Variants in TASP1 observed in about 807,000 individuals in gnomAD.
TASP1 encodes threonine aspartase 1.
TASP1 carries 16 observed loss-of-function variants against 56.6 expected under a neutral mutation model. The observed-to-expected ratio is 0.28, with a 90% CI of 0.19 to 0.43. The LOEUF is 0.43. TASP1 is among the 20% of genes least tolerant of loss of function. The pLI, the probability that TASP1 is intolerant of heterozygous loss-of-function variation, is 1.00. For missense variants in TASP1, 393 were observed against 511.6 expected, an observed-to-expected ratio of 0.77 and a Z score of 2.24; for synonymous variants, 179 against 184.2, an observed-to-expected ratio of 0.97 and a Z score of 0.23.
the TASP1 span, among the ~76,000 whole-genome samples, chr20:13,372,920 C>T: frequency 6.6e-6 from 1 of 152,008 alleles, no homozygotes; most frequent in African/African-American, 2.4e-5. Flanking sequence ...AGCTCTATTA[C>T]CCATTCTTCC....
the TASP1 span, among the ~76,000 whole-genome samples, chr20:13,108,786 C>G: frequency 6.6e-6 from 1 of 152,034 alleles, no homozygotes; most frequent in Non-Finnish European, 1.5e-5. Flanking sequence ...ATGTTGGTCC[C>G]GAACTCCTGA....
the TASP1 span, among the ~76,000 whole-genome samples, chr20:13,324,409 G>A: frequency 6.6e-6 from 1 of 152,190 alleles, no homozygotes; most frequent in Non-Finnish European, 1.5e-5. Context: ...CAGCTTAAAA[G>A]TGATAGGCAG....
At chr20:13,454,541 G>A (rs1012068668) in intron 11 of TASP1, among the ~76,000 whole-genome samples, 7 of 152,186 alleles carry the variant, frequency 4.6e-5, no homozygotes, top group Non-Finnish European at 8.8e-5. Flanking sequence ...GAAGCCAGGT[G>A]CTCTACCGAA....
rs555294164 is a variant in TASP1 at position 13,585,796 on chromosome 20, G to A, written c.403+1454C>T. Among the ~76,000 whole-genome samples the A allele has an allele frequency of 5.9e-5, 9 of 152,102 alleles. No individual in the cohort carries two copies. The South Asian group carries it at 8.3e-4, about 14-fold the overall frequency. ...ACTGCAACAATTACTTTTGAAAACC[G>A]GCAGTATCTATTAAAACAAAATATA... On this transcript the variant is annotated intron_variant, in intron 5 of 13. Coordinates refer to ENST00000337743, the MANE Select transcript of TASP1 (RefSeq NM_017714.3).
At chr20:13,414,983 T>C (rs2042207313) in intron 13 of TASP1, among the ~76,000 whole-genome samples, 1 of 152,160 alleles carries the variant, frequency 6.6e-6, no homozygotes, top group Admixed American at 6.6e-5. Context: ...CTAGCTCATA[T>C]ATGTTCAAAT....
the TASP1 span, among the ~76,000 whole-genome samples, chr20:13,125,807 C>T: frequency 2.0e-5 from 3 of 152,214 alleles, no homozygotes; most frequent in Non-Finnish European, 4.4e-5. Flanking sequence ...CACACCATCA[C>T]CTCTGCCATA....
chr20:13,215,627 A>G, the TASP1 span, among the ~76,000 whole-genome samples: 1 of 152,186 alleles, frequency 6.6e-6, no homozygotes, highest in Admixed American at 6.5e-5. Context: ...AGCCGGTCCT[A>G]TTTCACCACC....
intron 10 of TASP1, among the ~76,000 whole-genome samples, chr20:13,506,404 T>C (rs2044132999): frequency 6.6e-6 from 1 of 152,184 alleles, no homozygotes; most frequent in Admixed American, 6.5e-5. Context: ...AAGAGCAGCA[T>C]TGCCTTCATA....
chr20:13,418,805 C>G (rs1046861005), intron 12 of TASP1, among the ~76,000 whole-genome samples: 2 of 152,202 alleles, frequency 1.3e-5, no homozygotes, highest in Admixed American at 1.3e-4. Context: ...CACAACACTT[C>G]TGTGGTATTT....
rs937264912 is a variant in TASP1 at position 13,475,970 on chromosome 20, T to A, written c.985+7257A>T. On this transcript the variant is annotated intron_variant, in intron 11 of 13. Coordinates refer to ENST00000337743, the MANE Select transcript of TASP1 (RefSeq NM_017714.3). ...CCGTCTCTACTAAAAATACAAAAAA[T>A]TAGCTGGGCAAGGTGGCAGACACTT... Among the ~76,000 whole-genome samples, 24 of 151,126 alleles carry A rather than the reference T, an allele frequency of 1.6e-4. No homozygotes were observed. The Admixed American group carries it at 1.6e-3, about 10-fold the overall frequency.
intron 4 of TASP1, among the ~76,000 whole-genome samples, chr20:13,588,270 G>GAAAGAA (rs2147262516): frequency 8.4e-6 from 1 of 119,204 alleles, no homozygotes; most frequent in Admixed American, 8.2e-5. Flanking sequence ...AGGAAGGAAG[G>GAAAGAA]AAGGAAGGAA....
the TASP1 span, among the ~76,000 whole-genome samples, chr20:13,282,894 A>G: frequency 2.0e-5 from 3 of 152,188 alleles, no homozygotes; most frequent in African/African-American, 4.8e-5. Context: ...CTCTACGCCC[A>G]TTGTAGGTGC....
chr20:13,380,859 TG>T, the TASP1 span, among the ~76,000 whole-genome samples: 1 of 152,186 alleles, frequency 6.6e-6, no homozygotes, highest in Non-Finnish European at 1.5e-5. Flanking sequence ...AACTTCCTGG[TG>T]GCTTTGTTTA....
At chr20:13,563,872 A>T (rs1006238881) in intron 7 of TASP1, among the ~76,000 whole-genome samples, 8 of 152,168 alleles carry the variant, frequency 5.3e-5, no homozygotes, top group Non-Finnish European at 1.2e-4. Context: ...AAAAACACCA[A>T]ACCAGAAATA....
chr20:13,579,650 T>C (rs1454612418), intron 6 of TASP1, among the ~76,000 whole-genome samples: 2 of 152,102 alleles, frequency 1.3e-5, no homozygotes, highest in African/African-American at 4.8e-5. Flanking sequence ...CGCGCCCGGC[T>C]TTTCTCACTT....
chr20:13,562,901 A>C (rs1275829925), intron 7 of TASP1, among the ~76,000 whole-genome samples: 1 of 122,972 alleles, frequency 8.1e-6, no homozygotes, highest in Non-Finnish European at 1.6e-5. Flanking sequence ...TTATATCTCT[A>C]TATACATATA....
At chr20:13,626,228 C>A (rs1326221381) in intron 2 of TASP1, among the ~76,000 whole-genome samples, 2 of 152,044 alleles carry the variant, frequency 1.3e-5, no homozygotes, top group Admixed American at 1.3e-4. Context: ...TGTTTGAGAC[C>A]AGCCTGGCCA....
the TASP1 span, among the ~76,000 whole-genome samples, chr20:13,237,635 A>G: frequency 1.3e-5 from 2 of 152,324 alleles, no homozygotes; most frequent in South Asian, 4.1e-4. Flanking sequence ...TTGGTTGCCT[A>G]GGTGTCTTCA....
the TASP1 span, among the ~76,000 whole-genome samples, chr20:13,131,376 T>C: frequency 3.1e-3 from 475 of 152,268 alleles, 13 homozygotes; most frequent in Admixed American, 0.025. Context: ...CAAGTCACTT[T>C]CCCTCTCTTG....
Sources: allele counts gnomAD v4.1 joint callset (sites outside exome capture counted in the v4.1 genomes callset), GRCh38; gene constraint gnomAD v4.1.1; transcripts MANE v1.5; gene names NCBI Gene and HGNC (gene_info 2026-07-23, HGNC 2026-07-21).